KLHL9: variants seen among roughly 807,000 people sequenced by gnomAD.
The protein encoded by KLHL9 is kelch like family member 9, also known as kelch-like protein 9.
In KLHL9, 27 loss-of-function variants were observed where a neutral mutation model predicts 42.3. The observed-to-expected ratio is 0.64, with a 90% CI of 0.47 to 0.88. The LOEUF (loss-of-function observed/expected upper bound fraction) is 0.88. Ranked by LOEUF, KLHL9 falls within the 40% of genes least tolerant of loss-of-function variation. The pLI, the probability that KLHL9 is intolerant of heterozygous loss-of-function variation, is 0.00. For missense variants in KLHL9, 629 were observed against 750.3 expected (o/e 0.84, Z 1.89); for synonymous variants, 274 against 254.4 (o/e 1.08, Z -0.73).
In KLHL9 at chr9:21,334,554, A is replaced by G. The variant is rs1820232459; in HGVS notation, c.306T>C (p.Gly102=). 1.2e-6 allele frequency: 2 copies of G among 1,614,202 alleles called. No homozygotes were observed. Among genetic ancestry groups the G allele is most frequent in the Non-Finnish European group, 1.7e-6 (2 of 1,180,026 alleles). The change falls in exon 1 of 1, where the codon GGT becomes GGC. Residue 102 remains glycine (G), a synonymous_variant. Coordinates refer to ENST00000359039, the MANE Select transcript of KLHL9 (RefSeq NM_018847.4). This position sits in a 1 kb window ranked among gnomAD's most constrained non-coding sequence, Gnocchi z 5.1. ...AAATAAAATCAATGATTTTCTTCAG[A>G]CCAACCTTGTTCACCCCATGAAGCT... The part of the protein sequence containing the change: ...CIKLHGVNKV[G]LKKIIDFIYT...
At position 21,334,995 on chromosome 9, in the gene KLHL9, C is replaced by T. The variant is rs1355620750; in HGVS notation, c.-136G>A. On this transcript the variant is annotated 5_prime_UTR_variant, in exon 1 of 1. Coordinates refer to ENST00000359039, the MANE Select transcript of KLHL9 (RefSeq NM_018847.4). The surrounding 1 kb of genome is among the most constrained non-coding windows in gnomAD (Gnocchi z 5.1). ...AAGGGAAGGCAGTCACTGCGGCACC[C>T]CTCGGGCCACGCCAGTCAGTCATCC... 16 of 1,266,662 alleles carry T rather than the reference C, an allele frequency of 1.3e-5. No individual in the cohort carries two copies. Among genetic ancestry groups the T allele is most frequent in the Non-Finnish European group, 1.7e-5 (16 of 923,080 alleles). The allele number at this position is 1,266,662 out of a possible 1,614,324, so 78.5% of individuals were successfully genotyped here.
In KLHL9 at chr9:21,334,873, T is replaced by G. The variant is rs371183235; in HGVS notation, c.-14A>C. On this transcript the variant is annotated 5_prime_UTR_variant, in exon 1 of 1. Transcript: ENST00000359039. The surrounding 1 kb of genome is among the most constrained non-coding windows in gnomAD (Gnocchi z 5.1). ...GGACACTTTCATGTGAAAGCTTTCC[T>G]CTTGCACAGAGATGCAAGCCGGATA... The G allele has an allele frequency of 1.2e-6, 2 of 1,613,978 alleles. No individual in the cohort carries two copies. Among genetic ancestry groups the G allele is most frequent in the African/African-American group, 1.3e-5 (1 of 74,922 alleles).
rs1409807490 is a variant in KLHL9, at chr9:21,331,034, A to T, written c.*1972T>A. On this transcript the variant is annotated 3_prime_UTR_variant, in exon 1 of 1. Transcript: ENST00000359039. The stretch of plus-strand genomic sequence containing the variant: ...TGCAAGCAAATGCAAGTTAAATTAC[A>T]TTTATTATATAAAGAGATCCTATAA... 2.0e-5 allele frequency: 3 copies of T among 152,590 alleles called. No individual in the cohort carries two copies. Among genetic ancestry groups the T allele is most frequent in the Non-Finnish European group, 4.4e-5 (3 of 68,032 alleles). 9.5% of individuals were successfully genotyped at this position (152,590 alleles called of 1,614,324 possible). A position where few individuals can be genotyped will look rare whatever the true frequency, so the allele number is the denominator to read the frequency against.
rs774275398 is a variant in KLHL9, at chr9:21,333,305, A to C, written c.1555T>G (p.Ser519Ala). The change falls in exon 1 of 1, where the codon TCA (serine) becomes GCA (alanine). Residue 519 changes from serine to alanine, a missense_variant. This residue lies in a region of KLHL9 where 214 missense variants were observed against 305.8 expected (regional missense o/e 0.70). Transcript: ENST00000359039. This position sits in a 1 kb window ranked among gnomAD's most constrained non-coding sequence, Gnocchi z 7.5. ...YDDVLSCEYY[S>A]PTLDQWTPIA... ...GGGGTCCACTGGTCAAGGGTTGGTGAATAGTATTCACAGCTTAGAACATCA... is the reference window on the plus strand; with the variant it reads ...GGGGTCCACTGGTCAAGGGTTGGTGCATAGTATTCACAGCTTAGAACATCA... 3 of 1,614,208 alleles carry C rather than the reference A, an allele frequency of 1.9e-6. No individual in the cohort carries two copies. The highest frequency in any genetic ancestry group is 2.5e-6 in the Non-Finnish European group (3 of 1,180,028).
At position 21,330,101 on chromosome 9, in the gene KLHL9, T is replaced by C. The variant is rs1403921757; in HGVS notation, c.*2905A>G. The stretch of plus-strand genomic sequence containing the variant: ...CTCCAGGTTTAATGAGCAGTACAGA[T>C]TGAATATCCCTTATCTGAAATGCTT... On this transcript the variant is annotated 3_prime_UTR_variant, in exon 1 of 1. Coordinates refer to ENST00000359039, the MANE Select transcript of KLHL9 (RefSeq NM_018847.4). 6.6e-6 allele frequency: 1 copy of C among 152,202 alleles called. No homozygotes were observed. Among genetic ancestry groups the C allele is most frequent in the Non-Finnish European group, 1.5e-5 (1 of 68,030 alleles). 9.4% of individuals were successfully genotyped at this position (152,202 alleles called of 1,614,324 possible).
chr9:21,333,907 C>A lies in KLHL9; in HGVS notation c.953G>T (p.Arg318Leu). Residue 318 changes from arginine (R) to leucine (L), a missense_variant, in exon 1 of 1, where the codon CGG becomes CTG. Transcript: ENST00000359039. This position sits in a 1 kb window ranked among gnomAD's most constrained non-coding sequence, Gnocchi z 7.5. ...TTCTTGTGCCCTTTCATCATACATCCGTAATTCTTTACTGACAACCAGCTG... is the reference window on the plus strand; with the variant it reads ...TTCTTGTGCCCTTTCATCATACATCAGTAATTCTTTACTGACAACCAGCTG... ...RQQLVVSKELRMYDERAQEWR... is the reference protein window; with the variant it reads ...RQQLVVSKELLMYDERAQEWR... The A allele has an allele frequency of 6.2e-7, 1 of 1,614,058 alleles. No individual in the cohort carries two copies. Among genetic ancestry groups the A allele is most frequent in the Non-Finnish European group, 8.5e-7 (1 of 1,180,032 alleles).
Position 21,329,872 on chromosome 9 carries a change from C to CA in KLHL9, c.*3133dup, listed in dbSNP as rs1338762775. The CA allele has an allele frequency of 1.5e-4, 23 of 151,754 alleles. No individual in the cohort carries two copies. In the East Asian group the frequency reaches 4.4e-3, roughly 29 times the overall value. 9.4% of individuals were successfully genotyped at this position (151,754 alleles called of 1,614,324 possible). A position where few individuals can be genotyped will look rare whatever the true frequency, so the allele number is the denominator to read the frequency against. On this transcript the variant is annotated 3_prime_UTR_variant, in exon 1 of 1. Transcript: ENST00000359039. ...CCTGTACGTTCTATAATAGACATAT[C>CA]AAAAAAGCTAACAAATGTTAATTTT...
rs2133027093 is a variant in KLHL9, at chr9:21,331,182, A to G, written c.*1824T>C. ...ATTCAACCTCATTAATAATCAAAGGATTAGGATGCACTTCTTGCTTATTCA... is the reference window on the plus strand; with the variant it reads ...ATTCAACCTCATTAATAATCAAAGGGTTAGGATGCACTTCTTGCTTATTCA... On this transcript the variant is annotated 3_prime_UTR_variant, in exon 1 of 1. Transcript: ENST00000359039. The G allele has an allele frequency of 6.5e-6, 1 of 152,702 alleles. No homozygotes were observed. Among genetic ancestry groups the G allele is most frequent in the African/African-American group, 2.4e-5 (1 of 41,562 alleles). 9.5% of individuals were successfully genotyped at this position (152,702 alleles called of 1,614,324 possible). A position where few individuals can be genotyped will look rare whatever the true frequency, so the allele number is the denominator to read the frequency against.
Position 21,335,265 on chromosome 9 carries a change from C to G in KLHL9, c.-406G>C. ...ACGGCCCGCTGCGCCCTCCGCTGTA[C>G]CTAGAGTGTCGCAGCGGCCACCGGC... On this transcript the variant is annotated 5_prime_UTR_variant, in exon 1 of 1. Transcript: ENST00000359039. 2.2e-6 allele frequency: 1 copy of G among 458,550 alleles called. No individual in the cohort carries two copies. The highest frequency in any genetic ancestry group is 4.0e-6 in the Non-Finnish European group (1 of 251,880). 28.4% of individuals were successfully genotyped at this position (458,550 alleles called of 1,614,324 possible).
At position 21,334,114 on chromosome 9, in the gene KLHL9, T is replaced by A. The variant is rs771968486; in HGVS notation, c.746A>T (p.Asp249Val). 1 of 1,613,872 alleles carries A rather than the reference T, an allele frequency of 6.2e-7. No homozygotes were observed. The highest frequency in any genetic ancestry group is 1.3e-5 in the African/African-American group (1 of 74,930). The change falls in exon 1 of 1, where the codon GAT (aspartate) becomes GTT (valine). Residue 249 changes from aspartate to valine, a missense_variant. This residue lies in a region of KLHL9 where 351 missense variants were observed against 363.1 expected (regional missense o/e 0.97). Coordinates refer to ENST00000359039, the MANE Select transcript of KLHL9 (RefSeq NM_018847.4). This position sits in a 1 kb window ranked among gnomAD's most constrained non-coding sequence, Gnocchi z 5.1. Reference protein sequence around the residue: ...NIRFPLMTPQDLINYVQTVDF... With the variant: ...NIRFPLMTPQVLINYVQTVDF... Reference sequence around the variant, plus strand: ...TACTGTCTGCACGTAATTGATGAGATCCTGTGGTGTCATCAGTGGAAATCG... The same window carrying A: ...TACTGTCTGCACGTAATTGATGAGAACCTGTGGTGTCATCAGTGGAAATCG...
At position 21,333,516 on chromosome 9, in the gene KLHL9, C is replaced by T. The variant is rs1172527891; in HGVS notation, c.1344G>A (p.Met448Ile). 14 of 1,614,088 alleles carry T rather than the reference C, an allele frequency of 8.7e-6. No individual in the cohort carries two copies. Among genetic ancestry groups the T allele is most frequent in the South Asian group, 1.1e-5 (1 of 91,092 alleles). The change falls in exon 1 of 1, where the codon ATG becomes ATA. Residue 448 changes from methionine (M) to isoleucine (I), a missense_variant. Physicochemically the swap from Met to Ile is conservative, Grantham distance 10. This residue lies in a region of KLHL9 where 214 missense variants were observed against 305.8 expected (regional missense o/e 0.70). Coordinates refer to ENST00000359039, the MANE Select transcript of KLHL9 (RefSeq NM_018847.4). This position sits in a 1 kb window ranked among gnomAD's most constrained non-coding sequence, Gnocchi z 7.5. ...GHAGTVYGGL[M>I]YISGGITHDT... ...CATGGGTAATTCCTCCTGAAATATA[C>T]ATTAAGCCTCCATATACTGTTCCAG...
rs1393579174 is a variant in KLHL9, at chr9:21,335,119, G to T, written c.-260C>A. The T allele has an allele frequency of 3.7e-6, 2 of 546,772 alleles. No individual in the cohort carries two copies. Among genetic ancestry groups the T allele is most frequent in the African/African-American group, 3.8e-5 (2 of 52,078 alleles). The allele number at this position is 546,772 out of a possible 1,614,324, so 33.9% of individuals were successfully genotyped here. ...CACCTGAAGGCGGTTAAATGACCTG[G>T]TTCACCTCGTCCGGCCTGCGCTGCC... On this transcript the variant is annotated 5_prime_UTR_variant, in exon 1 of 1. Coordinates refer to ENST00000359039, the MANE Select transcript of KLHL9 (RefSeq NM_018847.4).
chr9:21,332,895 A>T lies in KLHL9; in HGVS notation c.*111T>A. The T allele has an allele frequency of 6.7e-7, 1 of 1,494,454 alleles. No homozygotes were observed. The allele number at this position is 1,494,454 out of a possible 1,614,324, so 92.6% of individuals were successfully genotyped here. A position where few individuals can be genotyped will look rare whatever the true frequency, so the allele number is the denominator to read the frequency against. The stretch of plus-strand genomic sequence containing the variant: ...TACTAAAAGCCATACAAGACGAATA[A>T]CATCAGTTACCTTTATATCTAATAA... On this transcript the variant is annotated 3_prime_UTR_variant, in exon 1 of 1. Transcript: ENST00000359039.
rs1182659277 is a variant in KLHL9 at position 21,331,938 on chromosome 9, T to C, written c.*1068A>G. 6.6e-6 allele frequency: 1 copy of C among 152,570 alleles called. No individual in the cohort carries two copies. Among genetic ancestry groups the C allele is most frequent in the Admixed American group, 6.5e-5 (1 of 15,268 alleles). 9.5% of individuals were successfully genotyped at this position (152,570 alleles called of 1,614,324 possible). A position where few individuals can be genotyped will look rare whatever the true frequency, so the allele number is the denominator to read the frequency against. Reference sequence around the variant, plus strand: ...AGCACCCCAAATCACAAAATAATCATGTTAGGATGACTAAGTTGGGAGGCT... The same window carrying C: ...AGCACCCCAAATCACAAAATAATCACGTTAGGATGACTAAGTTGGGAGGCT... On this transcript the variant is annotated 3_prime_UTR_variant, in exon 1 of 1. Coordinates refer to ENST00000359039, the MANE Select transcript of KLHL9 (RefSeq NM_018847.4).
Position 21,335,332 on chromosome 9 carries a change from G to C in KLHL9, c.-473C>G, listed in dbSNP as rs1820252380. ...GCCGGGAACACAGGCCTGGGCCTGGGCTTGGGCCTAGAATACCGGCCTAGC... is the reference window on the plus strand; with the variant it reads ...GCCGGGAACACAGGCCTGGGCCTGGCCTTGGGCCTAGAATACCGGCCTAGC... On this transcript the variant is annotated 5_prime_UTR_variant, in exon 1 of 1. Transcript: ENST00000359039. 1 of 399,260 alleles carries C rather than the reference G, an allele frequency of 2.5e-6. No individual in the cohort carries two copies. The highest frequency in any genetic ancestry group is 4.7e-6 in the Non-Finnish European group (1 of 212,664). The allele number at this position is 399,260 out of a possible 1,614,324, so 24.7% of individuals were successfully genotyped here.
chr9:21,333,762 A>G lies in KLHL9; in HGVS notation c.1098T>C (p.Val366=). The change falls in exon 1 of 1, where the codon GTT becomes GTC. Residue 366 remains valine, a synonymous_variant. Transcript: ENST00000359039. The surrounding 1 kb of genome is among the most constrained non-coding windows in gnomAD (Gnocchi z 7.5). ...SNYDTKGKTA[V]DTVFRFDPRY... ...GAGGATCAAATCTGAAAACTGTATCAACAGCAGTTTTTCCTTTTGTATCAT... is the reference window on the plus strand; with the variant it reads ...GAGGATCAAATCTGAAAACTGTATCGACAGCAGTTTTTCCTTTTGTATCAT... 6.2e-7 allele frequency: 1 copy of G among 1,614,036 alleles called. No individual in the cohort carries two copies. The highest frequency in any genetic ancestry group is 2.2e-5 in the East Asian group (1 of 44,894).
Position 21,333,206 on chromosome 9 carries a change from C to A in KLHL9, c.1654G>T (p.Gly552Ter), listed in dbSNP as rs1213649750. The A allele has an allele frequency of 6.2e-7, 1 of 1,613,722 alleles. No homozygotes were observed. Among genetic ancestry groups the A allele is most frequent in the Non-Finnish European group, 8.5e-7 (1 of 1,179,712 alleles). The change falls in exon 1 of 1, where the codon GGA (glycine) becomes TGA (stop). Residue 552 changes from glycine to a stop codon, truncating the protein, a stop_gained. Coordinates refer to ENST00000359039, the MANE Select transcript of KLHL9 (RefSeq NM_018847.4). LOFTEE classifies it high-confidence loss of function. The surrounding 1 kb of genome is among the most constrained non-coding windows in gnomAD (Gnocchi z 7.5). ...VFENKIYVVG[G>*]YSWNNRCMVE... ...ATACAACGATTATTCCAAGAATATC[C>A]ACCAACAACATAGATTTTATTTTCA...
Position 21,333,876 on chromosome 9 carries a change from T to G in KLHL9, c.984A>C (p.Arg328Ser), listed in dbSNP as rs1820217680. Reference sequence around the variant, plus strand: ...GGGGAGCATCCATTGGGGCTAAAGATCTCCATTCTTGTGCCCTTTCATCAT... The same window carrying G: ...GGGGAGCATCCATTGGGGCTAAAGAGCTCCATTCTTGTGCCCTTTCATCAT... ...RMYDERAQEWRSLAPMDAPRY... is the reference protein window; with the variant it reads ...RMYDERAQEWSSLAPMDAPRY... The change falls in exon 1 of 1, where the codon AGA becomes AGC. Residue 328 changes from arginine (R) to serine (S), a missense_variant. This residue lies in a region of KLHL9 where 214 missense variants were observed against 305.8 expected (regional missense o/e 0.70). Coordinates refer to ENST00000359039, the MANE Select transcript of KLHL9 (RefSeq NM_018847.4). The surrounding 1 kb of genome is among the most constrained non-coding windows in gnomAD (Gnocchi z 7.5). The G allele has an allele frequency of 1.9e-6, 3 of 1,613,922 alleles. No individual in the cohort carries two copies. The highest frequency in any genetic ancestry group is 1.1e-5 in the South Asian group (1 of 91,080).
Position 21,334,343 on chromosome 9 carries a change from CAT to C in KLHL9, c.515_516del (p.Tyr172CysfsTer2). The C allele has an allele frequency of 6.2e-7, 1 of 1,613,382 alleles. No homozygotes were observed. The highest frequency in any genetic ancestry group is 8.5e-7 in the Non-Finnish European group (1 of 1,179,486). Reference protein sequence around the residue: ...NTYNLIEVDKYVNNFILKNFP... With the variant: ...NTYNLIEVDKXVNNFILKNFP... ...AAGTTCTTCAGGATGAAATTATTAA[CAT>C]ATTTATCCACTTCTATAAGATTGTA... On this transcript the variant is annotated frameshift_variant, in exon 1 of 1. Coordinates refer to ENST00000359039, the MANE Select transcript of KLHL9 (RefSeq NM_018847.4). LOFTEE classifies it high-confidence loss of function. The surrounding 1 kb of genome is among the most constrained non-coding windows in gnomAD (Gnocchi z 5.1).
Sources: allele counts gnomAD v4.1 joint callset, GRCh38; gene constraint gnomAD v4.1.1; regional missense constraint gnomAD v4.1.1; non-coding constraint Gnocchi (gnomAD v3.1); transcripts MANE v1.5; gene names NCBI Gene and HGNC (gene_info 2026-07-23, HGNC 2026-07-21).